NPNT: variants seen among roughly 807,000 people sequenced by gnomAD.
NPNT encodes the protein preosteoblast EGF-like repeat protein with MAM domain.
NPNT carries 45 observed loss-of-function variants against 68.6 expected under a neutral mutation model. The ratio of observed to expected loss-of-function variants is 0.66; its 90% CI spans 0.52 to 0.84. The LOEUF is 0.84. Ranked by LOEUF, NPNT falls within the 40% of genes least tolerant of loss-of-function variation. The pLI, the probability that NPNT is intolerant of heterozygous loss-of-function variation, is 0.00. For synonymous variants in NPNT, 233 were observed against 253.3 expected (o/e 0.92, Z 0.76); for missense variants, 672 against 714.8 (o/e 0.94, Z 0.68).
Position 105,970,609 on chromosome 4 carries a change from C to A in NPNT, c.*1619C>A. On this transcript the variant is annotated 3_prime_UTR_variant, in exon 12 of 12. Transcript: ENST00000379987. ...TAGACTAGAGTATAAGGGAGCATTTCTTGGCAGGGGCCATTGTTAGAATAC... is the reference window on the plus strand; with the variant it reads ...TAGACTAGAGTATAAGGGAGCATTTATTGGCAGGGGCCATTGTTAGAATAC... The A allele has an allele frequency of 1.5e-6, 1 of 663,508 alleles. No homozygotes were observed. Among genetic ancestry groups the A allele is most frequent in the South Asian group, 1.5e-5 (1 of 65,146 alleles). 41.1% of individuals were successfully genotyped at this position (663,508 alleles called of 1,614,324 possible). A position where few individuals can be genotyped will look rare whatever the true frequency, so the allele number is the denominator to read the frequency against.
intron 8 of NPNT, among the ~76,000 whole-genome samples, chr4:105,956,896 T>G (rs1731271567): frequency 1.3e-5 from 2 of 152,146 alleles, no homozygotes; most frequent in African/African-American, 4.8e-5. Flanking sequence ...GACTTCACTG[T>G]TTTAACGTTT....
At chr4:105,927,063 A>T (rs1728737329) in intron 2 of NPNT, 1 of 218,756 alleles carries the variant, frequency 4.6e-6, no homozygotes, top group East Asian at 9.4e-5. Context: ...GCTTATGCAT[A>T]GTTTTACCTA....
chr4:105,916,218 G>A (rs1727806567), intron 2 of NPNT, among the ~76,000 whole-genome samples: 2 of 148,910 alleles, frequency 1.3e-5, no homozygotes, highest in South Asian at 2.1e-4. Context: ...TAGTGAATTC[G>A]TACTTTTTTT....
At chr4:105,919,909 C>T (rs1191638214) in intron 2 of NPNT, among the ~76,000 whole-genome samples, 1 of 151,782 alleles carries the variant, frequency 6.6e-6, no homozygotes, top group African/African-American at 2.4e-5. Context: ...TGTTTTGATA[C>T]CCTGTTCCCC....
intron 2 of NPNT, among the ~76,000 whole-genome samples, chr4:105,920,130 A>G (rs866378459): frequency 1.2e-4 from 18 of 151,890 alleles, no homozygotes; most frequent in African/African-American, 4.1e-4. Flanking sequence ...ATTGTTATCA[A>G]TAACTACCGT....
At chr4:105,935,051 C>T (rs1007337658) in intron 3 of NPNT, among the ~76,000 whole-genome samples, 1 of 152,174 alleles carries the variant, frequency 6.6e-6, no homozygotes, top group Non-Finnish European at 1.5e-5. Context: ...AGCATAAATA[C>T]TCCTTGTTTA....
intron 2 of NPNT, chr4:105,902,756 A>G (rs1472273925): frequency 6.6e-6 from 1 of 152,236 alleles, no homozygotes; most frequent in Non-Finnish European, 1.5e-5. Flanking sequence ...CAGATTCCAA[A>G]GTAAGATCAG....
intron 11 of NPNT, among the ~76,000 whole-genome samples, chr4:105,967,808 A>T (rs562585456): frequency 1.3e-5 from 2 of 151,896 alleles, no homozygotes; most frequent in Non-Finnish European, 2.9e-5. Flanking sequence ...TTTCCTTTTA[A>T]TTCCTTAGAT....
intron 2 of NPNT, among the ~76,000 whole-genome samples, chr4:105,925,016 C>T (rs1728577822): frequency 6.6e-6 from 1 of 151,840 alleles, no homozygotes; most frequent in Admixed American, 6.6e-5. Flanking sequence ...TATGGAAGGT[C>T]ATCTTTTTAG....
At chr4:105,911,236 A>G (rs1181173739) in intron 2 of NPNT, among the ~76,000 whole-genome samples, 1 of 152,104 alleles carries the variant, frequency 6.6e-6, no homozygotes, top group Non-Finnish European at 1.5e-5. Context: ...CTAGCAAGCA[A>G]ATGTAATTTG....
chr4:105,912,040 T>C, intron 2 of NPNT: 1 of 642,198 alleles, frequency 1.6e-6, no homozygotes, highest in Non-Finnish European at 2.8e-6. Context: ...ATTTTAAACA[T>C]GTCCTAGATT....
intron 1 of NPNT, chr4:105,896,016 C>A: frequency 4.5e-6 from 2 of 449,242 alleles, no homozygotes; most frequent in South Asian, 6.3e-5. Flanking sequence ...AGCCTGGGAT[C>A]TCGGCTCTGA....
chr4:105,941,738 G>A (rs1277972611), intron 7 of NPNT, among the ~76,000 whole-genome samples: 1 of 152,040 alleles, frequency 6.6e-6, no homozygotes, highest in Non-Finnish European at 1.5e-5. Flanking sequence ...GTATCTATCA[G>A]TAAAGGGAAA....
rs1159358619 is a variant in NPNT at position 105,948,890 on chromosome 4, AC to A, written c.1159+6191del. 2.6e-5 allele frequency among the ~76,000 whole-genome samples: 4 copies of A among 152,210 alleles called. No individual in the cohort carries two copies. In the East Asian group the frequency reaches 7.7e-4, roughly 29 times the overall value. ...TGGGATTCTAGGCATGAACCACTGC[AC>A]CCAGCCTAAAAACAATTTTAGCTTG... On this transcript the variant is annotated intron_variant, in intron 8 of 11. Coordinates refer to ENST00000379987, the MANE Select transcript of NPNT (RefSeq NM_001033047.3).
chr4:105,925,047 G>A (rs1254545158), intron 2 of NPNT, among the ~76,000 whole-genome samples: 2 of 151,986 alleles, frequency 1.3e-5, no homozygotes, highest in Admixed American at 1.3e-4. Context: ...ATTTTTTTAA[G>A]CTGGTATTTC....
At chr4:105,910,156 C>T (rs2149329554) in intron 2 of NPNT, among the ~76,000 whole-genome samples, 1 of 152,106 alleles carries the variant, frequency 6.6e-6, no homozygotes, top group East Asian at 1.9e-4. Flanking sequence ...AACCCATAAA[C>T]CTGTGTTTAG....
At chr4:105,899,619 AACATTCGTTTG>A (rs1726234028) in intron 2 of NPNT, among the ~76,000 whole-genome samples, 1 of 152,202 alleles carries the variant, frequency 6.6e-6, no homozygotes, top group Non-Finnish European at 1.5e-5. Flanking sequence ...CAGTTAGGCA[AACATTCGTTTG>A]CTTCACCTTT....
chr4:105,902,355 C>T (rs1256029933), intron 2 of NPNT, among the ~76,000 whole-genome samples: 2 of 152,062 alleles, frequency 1.3e-5, no homozygotes, highest in Non-Finnish European at 2.9e-5. Context: ...GTATTTTAAA[C>T]GTAAAGCAAT....
At chr4:105,962,395 G>A (rs1038123832) in intron 10 of NPNT, among the ~76,000 whole-genome samples, 12 of 152,118 alleles carry the variant, frequency 7.9e-5, no homozygotes, top group South Asian at 2.1e-4. Flanking sequence ...CTCTGTGACC[G>A]AAAGGGGATG....
Sources: allele counts gnomAD v4.1 joint callset (sites outside exome capture counted in the v4.1 genomes callset), GRCh38; gene constraint gnomAD v4.1.1; transcripts MANE v1.5; gene names NCBI Gene and HGNC (gene_info 2026-07-23, HGNC 2026-07-21).